Variants in ATXN1 observed in about 807,000 individuals in gnomAD.
The protein encoded by ATXN1 is ataxin 1, also known as ataxin-1.
A neutral mutation model predicts 56.4 loss-of-function variants in ATXN1; 8 were observed. The observed-to-expected ratio is 0.14, with a 90% CI of 0.08 to 0.26. The LOEUF (loss-of-function observed/expected upper bound fraction) is 0.26, where lower values mean the gene tolerates loss of function less well. Among genes scored for constraint, ATXN1 ranks in the 10% least tolerant of loss-of-function variants. The probability of loss-of-function intolerance (pLI) is 1.00; values close to 1 mark genes in which losing one functional copy is unlikely to be tolerated. For missense variants in ATXN1, 987 were observed against 1,106.5 expected, an observed-to-expected ratio of 0.89 and a Z score of 1.53; for synonymous variants, 514 against 494.6, an observed-to-expected ratio of 1.04 and a Z score of -0.52.
In ATXN1 at chr6:16,746,867, C is replaced by A. The variant is rs1760551993; in HGVS notation, c.-615+6366G>T. Among the ~76,000 whole-genome samples, 6 of 152,244 alleles carry A rather than the reference C, an allele frequency of 3.9e-5. No individual in the cohort carries two copies. In the South Asian group the frequency reaches 1.0e-3, roughly 26 times the overall value. ...AGCAAGAATTACAATAAAATCTATTCATGGAACTGTACAATGTCAGAGATA... is the reference window on the plus strand; with the variant it reads ...AGCAAGAATTACAATAAAATCTATTAATGGAACTGTACAATGTCAGAGATA... On this transcript the variant is annotated intron_variant, in intron 2 of 7. Coordinates refer to ENST00000436367, the MANE Select transcript of ATXN1 (RefSeq NM_001128164.2).
intron 6 of ATXN1, among the ~76,000 whole-genome samples, chr6:16,464,055 T>C (rs1418470799): frequency 6.6e-6 from 1 of 152,078 alleles, no homozygotes; most frequent in Non-Finnish European, 1.5e-5. Flanking sequence ...GCTAGAGCAG[T>C]CATCACCCAG....
At chr6:16,546,859 CAA>C (rs902081178) in intron 4 of ATXN1, among the ~76,000 whole-genome samples, 4 of 152,162 alleles carry the variant, frequency 2.6e-5, no homozygotes, top group Non-Finnish European at 5.9e-5. Flanking sequence ...ATTGCCACGA[CAA>C]GTTTATTTAT....
chr6:16,569,873 T>G (rs1762301499), intron 4 of ATXN1, among the ~76,000 whole-genome samples: 1 of 152,162 alleles, frequency 6.6e-6, no homozygotes, highest in African/African-American at 2.4e-5. Flanking sequence ...ACTCTCTCGC[T>G]TCCCCACTTC....
intron 6 of ATXN1, among the ~76,000 whole-genome samples, chr6:16,420,738 A>T (rs766027605): frequency 1.3e-5 from 2 of 152,212 alleles, no homozygotes; most frequent in Non-Finnish European, 2.9e-5. Context: ...TTATAGTCTA[A>T]GTTGCCACTA....
chr6:16,723,836 C>G (rs895072197), intron 2 of ATXN1, among the ~76,000 whole-genome samples: 1 of 152,088 alleles, frequency 6.6e-6, no homozygotes, highest in African/African-American at 2.4e-5. Flanking sequence ...AAATGTTTAT[C>G]ACAGTGTAAC....
At chr6:16,529,302 A>C (rs1354763738) in intron 4 of ATXN1, among the ~76,000 whole-genome samples, 1 of 151,532 alleles carries the variant, frequency 6.6e-6, no homozygotes, top group Non-Finnish European at 1.5e-5. Context: ...AGTGCCCAAC[A>C]GGTGCCAGGC....
chr6:16,554,985 T>C (rs1413529041), intron 4 of ATXN1, among the ~76,000 whole-genome samples: 1 of 152,176 alleles, frequency 6.6e-6, no homozygotes, highest in Non-Finnish European at 1.5e-5. Flanking sequence ...TCATCTGTCC[T>C]GTCTCAATGA....
intron 2 of ATXN1, among the ~76,000 whole-genome samples, chr6:16,693,843 C>A (rs1759100174): frequency 6.6e-6 from 1 of 152,134 alleles, no homozygotes; most frequent in African/African-American, 2.4e-5. Flanking sequence ...TAACTGGAAG[C>A]CTCTCCTCAC....
At position 16,458,253 on chromosome 6, in the gene ATXN1, G is replaced by A. The variant is rs146177811; in HGVS notation, c.-161+27719C>T. Among the ~76,000 whole-genome samples the A allele has an allele frequency of 5.9e-3, 898 of 152,238 alleles. 8 individuals are homozygous for A. The highest frequency in any genetic ancestry group is 0.02 in the African/African-American group (827 of 41,522). On this transcript the variant is annotated intron_variant, in intron 6 of 7. Coordinates refer to ENST00000436367, the MANE Select transcript of ATXN1 (RefSeq NM_001128164.2). ...GACTCAGATCATGGGAACTGGAGTC[G>A]CAAACATCTGTTGACCTGTATTCCA... is the stretch of plus-strand genomic sequence containing the variant.
intron 2 of ATXN1, among the ~76,000 whole-genome samples, chr6:16,724,500 A>G (rs1030697593): frequency 6.6e-6 from 1 of 152,178 alleles, no homozygotes; most frequent in Non-Finnish European, 1.5e-5. Context: ...GCAACTAAAT[A>G]TACAACCAGG....
At chr6:16,382,782 T>G (rs1758156409) in intron 6 of ATXN1, among the ~76,000 whole-genome samples, 1 of 151,782 alleles carries the variant, frequency 6.6e-6, no homozygotes, top group Non-Finnish European at 1.5e-5. Flanking sequence ...AAAAATTGTC[T>G]TGGGCTGCAC....
intron 4 of ATXN1, among the ~76,000 whole-genome samples, chr6:16,584,635 C>G (rs149702319): frequency 6.9e-6 from 1 of 145,758 alleles, no homozygotes; most frequent in African/African-American, 2.7e-5. Flanking sequence ...TACAAATGAC[C>G]CCCCCCACCC....
intron 5 of ATXN1, among the ~76,000 whole-genome samples, chr6:16,517,265 A>G (rs1398609715): frequency 6.6e-6 from 1 of 152,196 alleles, no homozygotes; most frequent in Non-Finnish European, 1.5e-5. Flanking sequence ...TCATTTGTTC[A>G]TTCACACAAA....
At chr6:16,434,993 G>A (rs772112673) in intron 6 of ATXN1, among the ~76,000 whole-genome samples, 2 of 152,168 alleles carry the variant, frequency 1.3e-5, no homozygotes, top group Non-Finnish European at 2.9e-5. Context: ...AAGAGAGAGA[G>A]TGCATTCGAA....
rs1761154870 is a variant in ATXN1 at position 16,337,691 on chromosome 6, G to A, written c.-160-9221C>T. 3.9e-5 allele frequency among the ~76,000 whole-genome samples: 6 copies of A among 152,264 alleles called. 1 individual carries two copies. Among genetic ancestry groups the A allele is most frequent in the Admixed American group, 3.9e-4 (6 of 15,300 alleles). On this transcript the variant is annotated intron_variant, in intron 6 of 7. Coordinates refer to ENST00000436367, the MANE Select transcript of ATXN1 (RefSeq NM_001128164.2). ...GTAGTGCATTCCAGGTTAGCTACCC[G>A]GGGGCACCCACGTTTCTGTTTATCC...
At chr6:16,501,483 C>G (rs552334586) in intron 5 of ATXN1, among the ~76,000 whole-genome samples, 1 of 152,238 alleles carries the variant, frequency 6.6e-6, no homozygotes, top group African/African-American at 2.4e-5. Flanking sequence ...TTGCCCCCCA[C>G]TCACCGATAG....
intron 6 of ATXN1, among the ~76,000 whole-genome samples, chr6:16,452,091 C>T (rs932427711): frequency 6.6e-6 from 1 of 152,136 alleles, no homozygotes; most frequent in Admixed American, 6.6e-5. Flanking sequence ...ATGAACAAGA[C>T]AGATGCCTAC....
At chr6:16,620,848 T>C (rs972571717) in intron 3 of ATXN1, among the ~76,000 whole-genome samples, 1 of 152,222 alleles carries the variant, frequency 6.6e-6, no homozygotes, top group Non-Finnish European at 1.5e-5. Flanking sequence ...GCACCACATG[T>C]GGTCCCACAG....
chr6:16,568,707 A>C (rs554389746), intron 4 of ATXN1, among the ~76,000 whole-genome samples: 1 of 152,058 alleles, frequency 6.6e-6, no homozygotes, highest in African/African-American at 2.4e-5. Context: ...TACTTCTCCC[A>C]CTGTCTAAAT....
Sources: gnomAD v4.1 joint callset for allele counts (sites outside exome capture counted in the v4.1 genomes callset) on GRCh38, gnomAD v4.1.1 for gene constraint, MANE v1.5 for transcripts, NCBI Gene and HGNC (gene_info 2026-07-23, HGNC 2026-07-21) for gene names.